Variants in SMARCC1 observed in about 807,000 individuals in gnomAD.
The protein encoded by SMARCC1 is SWI/SNF complex subunit SMARCC1.
In SMARCC1, 43 loss-of-function variants were observed where a neutral mutation model predicts 147.4. The ratio of observed to expected loss-of-function variants is 0.29; its 90% CI spans 0.23 to 0.38. SMARCC1 has a LOEUF of 0.38. SMARCC1 is among the 10% of genes least tolerant of loss of function. The probability of loss-of-function intolerance (pLI) is 1.00; values close to 1 mark genes in which losing one functional copy is unlikely to be tolerated. For missense variants in SMARCC1, 1,119 were observed against 1,381.1 expected (o/e 0.81, Z 3.01); for synonymous variants, 495 against 484.4 (o/e 1.02, Z -0.29).
intron 5 of SMARCC1, among the ~76,000 whole-genome samples, chr3:47,731,310 T>A (rs183431739): frequency 2.0e-5 from 3 of 152,308 alleles, no homozygotes. Flanking sequence ...ATGTTCCAGC[T>A]TCACTTCAAA....
In SMARCC1 at chr3:47,765,157, A is replaced by G. The variant is rs371365322; in HGVS notation, c.315+7660T>C. On this transcript the variant is annotated intron_variant, in intron 2 of 27. Coordinates refer to ENST00000254480, the MANE Select transcript of SMARCC1 (RefSeq NM_003074.4). ...TCCCAGCTAGTCAGGAGGCTGAAGC[A>G]AGAGAACCGCTTGAACTCGGGAGGC... is the stretch of plus-strand genomic sequence containing the variant. Among the ~76,000 whole-genome samples the G allele has an allele frequency of 3.9e-5, 6 of 152,294 alleles. 1 individual carries two copies. Among genetic ancestry groups the G allele is most frequent in the African/African-American group, 1.4e-4 (6 of 41,578 alleles).
intron 21 of SMARCC1, among the ~76,000 whole-genome samples, chr3:47,651,335 G>C (rs1463985116): frequency 6.6e-6 from 1 of 152,082 alleles, no homozygotes; most frequent in African/African-American, 2.4e-5. Flanking sequence ...ACACTCTTTT[G>C]GTCAAACTGC....
chr3:47,715,968 C>T (rs1306539080), intron 7 of SMARCC1, among the ~76,000 whole-genome samples: 3 of 151,832 alleles, frequency 2.0e-5, no homozygotes, highest in Non-Finnish European at 4.4e-5. Context: ...ACCACCTACT[C>T]CAACAAAATC....
At chr3:47,690,303 C>A (rs1262238766) in intron 12 of SMARCC1, among the ~76,000 whole-genome samples, 1 of 152,124 alleles carries the variant, frequency 6.6e-6, no homozygotes, top group Non-Finnish European at 1.5e-5. Context: ...AGAAATTTAT[C>A]AGATTTTGAA....
intron 5 of SMARCC1, among the ~76,000 whole-genome samples, chr3:47,731,511 T>A (rs2034374346): frequency 6.6e-6 from 1 of 152,208 alleles, no homozygotes; most frequent in Non-Finnish European, 1.5e-5. Context: ...AGATTTTCAA[T>A]TTACTTTGCC....
At position 47,772,797 on chromosome 3, in the gene SMARCC1, C is replaced by A. The variant is rs760940962; in HGVS notation, c.315+20G>T. On this transcript the variant is annotated intron_variant, in intron 2 of 27. Transcript: ENST00000254480. The stretch of plus-strand genomic sequence containing the variant: ...ACAGCAACTGAGGATGCCCAAATAA[C>A]AGTAAGCTGATGTACTTACAGGGAG... The A allele has an allele frequency of 6.2e-7, 1 of 1,602,212 alleles. No homozygotes were observed. The highest frequency in any genetic ancestry group is 1.1e-5 in the South Asian group (1 of 89,844).
chr3:47,670,086 G>A (rs892427248), intron 19 of SMARCC1, among the ~76,000 whole-genome samples: 11 of 152,128 alleles, frequency 7.2e-5, no homozygotes, highest in African/African-American at 2.4e-4. Context: ...AACTTATTTT[G>A]TGATTAGGAA....
At chr3:47,669,311 T>A (rs1417695847) in intron 19 of SMARCC1, among the ~76,000 whole-genome samples, 1 of 152,180 alleles carries the variant, frequency 6.6e-6, no homozygotes, top group Middle Eastern at 3.2e-3. Flanking sequence ...AGGAGAAAAG[T>A]TCCAGCATCA....
intron 21 of SMARCC1, among the ~76,000 whole-genome samples, chr3:47,647,299 C>T (rs1422341352): frequency 2.0e-5 from 3 of 152,110 alleles, no homozygotes; most frequent in African/African-American, 4.8e-5. Flanking sequence ...GATCATTCTG[C>T]TTTTCATTTT....
At chr3:47,747,476 T>TAAATATAAATATAAATATA (rs2034578341) in intron 2 of SMARCC1, among the ~76,000 whole-genome samples, 1 of 147,356 alleles carries the variant, frequency 6.8e-6, no homozygotes, top group Non-Finnish European at 1.5e-5. Context: ...AATATAAATA[T>TAAATATAAATATAAATATA]AAATATAAAA....
intron 21 of SMARCC1, among the ~76,000 whole-genome samples, chr3:47,656,155 G>A (rs1374247217): frequency 3.3e-5 from 5 of 151,998 alleles, no homozygotes. Context: ...AGGTTGCAGT[G>A]AGCCAAGATC....
intron 25 of SMARCC1, 85 bp from the exon 26 acceptor site, chr3:47,610,412 G>A: frequency 7.1e-7 from 1 of 1,408,814 alleles, no homozygotes; most frequent in Non-Finnish European, 1.0e-6. Flanking sequence ...CATAATGCCT[G>A]AATTACCTCT....
At chr3:47,602,006 T>A (rs979263554) in intron 26 of SMARCC1, among the ~76,000 whole-genome samples, 1 of 151,944 alleles carries the variant, frequency 6.6e-6, no homozygotes, top group Non-Finnish European at 1.5e-5. Context: ...GGCCAGGCTA[T>A]TGCTTTTCTT....
intron 16 of SMARCC1, 61 bp from the exon 17 acceptor site, chr3:47,676,843 C>G: frequency 2.1e-6 from 3 of 1,398,446 alleles, no homozygotes; most frequent in Non-Finnish European, 3.0e-6. Flanking sequence ...CTTTTACTAT[C>G]ATCATCATGC....
chr3:47,637,087 C>T (rs549859419), intron 22 of SMARCC1, among the ~76,000 whole-genome samples: 69 of 152,176 alleles, frequency 4.5e-4, no homozygotes, highest in African/African-American at 1.6e-3. Context: ...CCCTATGTTG[C>T]CTAGGGTGGT....
At chr3:47,638,249 C>G (rs1415990688) in intron 22 of SMARCC1, among the ~76,000 whole-genome samples, 1 of 152,146 alleles carries the variant, frequency 6.6e-6, no homozygotes, top group African/African-American at 2.4e-5. Context: ...CCCACCACCA[C>G]GCCTGGCTAA....
At chr3:47,611,229 T>C (rs933139235) in intron 25 of SMARCC1, among the ~76,000 whole-genome samples, 6 of 152,206 alleles carry the variant, frequency 3.9e-5, no homozygotes, top group African/African-American at 1.4e-4. Context: ...ACCCACTTCT[T>C]TTCAATAACA....
At chr3:47,598,024 C>T (rs995709536) in intron 26 of SMARCC1, among the ~76,000 whole-genome samples, 2 of 152,274 alleles carry the variant, frequency 1.3e-5, no homozygotes, top group African/African-American at 4.8e-5. Flanking sequence ...CAAACAGAGA[C>T]TTACTATTCT....
chr3:47,749,736 C>CAGAT (rs2034606862), intron 2 of SMARCC1, among the ~76,000 whole-genome samples: 1 of 110,798 alleles, frequency 9.0e-6, no homozygotes, highest in African/African-American at 3.4e-5. Flanking sequence ...GAGAAAGAGA[C>CAGAT]AGAGAGAGAG....
Sources: allele counts gnomAD v4.1 joint callset (sites outside exome capture counted in the v4.1 genomes callset), GRCh38; gene constraint gnomAD v4.1.1; transcripts MANE v1.5; gene names NCBI Gene and HGNC (gene_info 2026-07-23, HGNC 2026-07-21).